Variants in SIPA1L2 observed in about 807,000 individuals in gnomAD.
The protein encoded by SIPA1L2 is signal induced proliferation associated 1 like 2, also known as signal-induced proliferation-associated 1-like protein 2.
Under a neutral mutation model 163.9 loss-of-function variants are expected in SIPA1L2, and 56 were observed. That is an observed-to-expected ratio of 0.34 (90% CI 0.28 to 0.43). SIPA1L2 has a LOEUF of 0.43. SIPA1L2 is among the 20% of genes least tolerant of loss of function. The pLI is 1.00. For synonymous variants in SIPA1L2, 877 were observed against 865.7 expected, an observed-to-expected ratio of 1.01 and a Z score of -0.23; for missense variants, 1,974 against 2,193.5, an observed-to-expected ratio of 0.90 and a Z score of 2.00.
chr1:232,439,108 C>G lies in SIPA1L2; in HGVS notation c.4031G>C (p.Ser1344Thr). The G allele has an allele frequency of 6.3e-7, 1 of 1,599,078 alleles. No individual in the cohort carries two copies. Among genetic ancestry groups the G allele is most frequent in the Non-Finnish European group, 8.5e-7 (1 of 1,172,264 alleles). ...GDLSEISSHS[S>T]GSHHSGSPSA... is the part of the protein sequence containing the mutation. Reference sequence around the variant, plus strand: ...TACTCTGCAGTGCTGTGGGGCTTACCTGGAATGAGAGGATATCTCACTGAG... The same window carrying G: ...TACTCTGCAGTGCTGTGGGGCTTACGTGGAATGAGAGGATATCTCACTGAG... Residue 1344 changes from serine (S) to threonine (T), a missense_variant and splice_region_variant, in exon 15 of 23, where the codon AGT becomes ACT. Coordinates refer to ENST00000674635, the MANE Select transcript of SIPA1L2 (RefSeq NM_020808.5).
At chr1:232,417,885 C>G (rs1409596809) in intron 18 of SIPA1L2, among the ~76,000 whole-genome samples, 1 of 152,294 alleles carries the variant, frequency 6.6e-6, no homozygotes, top group Non-Finnish European at 1.5e-5. Context: ...TCTGTGAGGG[C>G]CGCGGAGGTC....
In SIPA1L2 at chr1:232,563,955, T is replaced by TTTTTGTGTG. The variant is rs1558270699; in HGVS notation, c.-270+10218_-270+10219insCACACAAAA. ...AACGACAAAGGTTTGTTTTTTTTTTTCGTGTGTGTGTGTGTGTGTGTGTGT... is the reference window on the plus strand; with the variant it reads ...AACGACAAAGGTTTGTTTTTTTTTTTTTTTGTGTGCGTGTGTGTGTGTGTGTGTGTGTGT... On this transcript the variant is annotated intron_variant, in intron 2 of 22. Transcript: ENST00000674635. Among the ~76,000 whole-genome samples, 55 of 116,768 alleles carry TTTTTGTGTG rather than the reference T, an allele frequency of 4.7e-4. 2 individuals carry two copies. The highest frequency in any genetic ancestry group is 2.1e-3 in the African/African-American group (54 of 25,170). The allele number at this position is 116,768 out of a possible 152,430, so 76.6% of individuals were successfully genotyped here.
intron 10 of SIPA1L2, among the ~76,000 whole-genome samples, chr1:232,459,922 G>A (rs989795354): frequency 1.3e-5 from 2 of 152,170 alleles, no homozygotes; most frequent in African/African-American, 4.8e-5. Flanking sequence ...ATAGGAGGTA[G>A]GCGATATAAT....
intron 12 of SIPA1L2, 36 bp from the exon 13 acceptor site, chr1:232,441,904 A>C: frequency 6.4e-7 from 1 of 1,568,276 alleles, no homozygotes; most frequent in Non-Finnish European, 8.7e-7. Context: ...GTCCTTTCTC[A>C]ACCGTGCCAC....
Position 232,493,833 on chromosome 1 carries a change from C to T in SIPA1L2, c.1484-173G>A, listed in dbSNP as rs376110389. On this transcript the variant is annotated intron_variant, in intron 3 of 22. Coordinates refer to ENST00000674635, the MANE Select transcript of SIPA1L2 (RefSeq NM_020808.5). The stretch of plus-strand genomic sequence containing the variant: ...TCTGGTTTCCAGTTCGGATGCACGC[C>T]TACATCTCATTTTCAATTACTTCCT... Among the ~76,000 whole-genome samples, 8 of 152,292 alleles carry T rather than the reference C, an allele frequency of 5.3e-5. 1 individual carries two copies. Among genetic ancestry groups the T allele is most frequent in the African/African-American group, 1.9e-4 (8 of 41,562 alleles).
intron 10 of SIPA1L2, among the ~76,000 whole-genome samples, chr1:232,453,895 TA>T (rs1280201484): frequency 6.6e-6 from 1 of 152,214 alleles, no homozygotes; most frequent in Non-Finnish European, 1.5e-5. Context: ...ATGCATTTTG[TA>T]AAAGAATCAT....
intron 13 of SIPA1L2, 107 bp from the exon 14 acceptor site, chr1:232,441,501 T>C: frequency 4.2e-6 from 4 of 955,382 alleles, no homozygotes; most frequent in Non-Finnish European, 6.5e-6. Flanking sequence ...AACAGGCTTG[T>C]GGTTCTGGGA....
chr1:232,600,279 G>A (rs1661523498), intron 1 of SIPA1L2, among the ~76,000 whole-genome samples: 1 of 150,378 alleles, frequency 6.6e-6, no homozygotes, highest in African/African-American at 2.4e-5. Context: ...TATAGTAGCA[G>A]AATTAGAAAA....
At chr1:232,538,476 C>T (rs917581735) in intron 2 of SIPA1L2, among the ~76,000 whole-genome samples, 2 of 152,192 alleles carry the variant, frequency 1.3e-5, no homozygotes, top group Non-Finnish European at 2.9e-5. Flanking sequence ...CATGAAGGCA[C>T]TCACTCTGTA....
intron 1 of SIPA1L2, among the ~76,000 whole-genome samples, chr1:232,590,772 A>G (rs754388388): frequency 2.6e-5 from 4 of 152,254 alleles, no homozygotes; most frequent in Non-Finnish European, 2.9e-5. Flanking sequence ...CTTCCAACTA[A>G]CTGCAGACCA....
At chr1:232,543,878 C>T (rs1265728999) in intron 2 of SIPA1L2, among the ~76,000 whole-genome samples, 1 of 152,062 alleles carries the variant, frequency 6.6e-6, no homozygotes, top group Admixed American at 6.5e-5. Context: ...AAAAACAAAA[C>T]ATATAAAATA....
In SIPA1L2 at chr1:232,582,240, T is replaced by C. The variant is rs558242209; in HGVS notation, c.-318-8018A>G. 3.3e-5 allele frequency among the ~76,000 whole-genome samples: 5 copies of C among 152,260 alleles called. No individual in the cohort carries two copies. The South Asian group carries it at 6.2e-4, about 19-fold the overall frequency. On this transcript the variant is annotated intron_variant, in intron 1 of 22. Transcript: ENST00000674635. The stretch of plus-strand genomic sequence containing the variant: ...TGTGCAGGTTTGTTACATGGGTATA[T>C]TGCACCCCGGCAGTGAGCACAGTAC...
At chr1:232,554,099 G>C (rs1442550799) in intron 2 of SIPA1L2, among the ~76,000 whole-genome samples, 1 of 152,128 alleles carries the variant, frequency 6.6e-6, no homozygotes, top group East Asian at 1.9e-4. Context: ...TCTCTAAAAA[G>C]TTATTTTTTC....
At chr1:232,523,666 TA>T (rs902218483) in intron 2 of SIPA1L2, among the ~76,000 whole-genome samples, 1 of 151,934 alleles carries the variant, frequency 6.6e-6, no homozygotes, top group South Asian at 2.1e-4. Context: ...GCTGGAGCTT[TA>T]AAAAAAATAC....
chr1:232,432,203 A>T (rs1461391544), intron 16 of SIPA1L2, 44 bp downstream of exon 16: 2 of 1,522,416 alleles, frequency 1.3e-6, no homozygotes, highest in African/African-American at 2.7e-5. Context: ...GTCAATCCCT[A>T]CAGTGAAAAA....
chr1:232,422,983 G>T (rs186088499), intron 18 of SIPA1L2, among the ~76,000 whole-genome samples: 1 of 152,110 alleles, frequency 6.6e-6, no homozygotes, highest in Non-Finnish European at 1.5e-5. Context: ...ATACATACTC[G>T]GTAGAAATCA....
intron 8 of SIPA1L2, among the ~76,000 whole-genome samples, chr1:232,468,194 C>T (rs1467099720): frequency 1.3e-5 from 2 of 152,178 alleles, no homozygotes; most frequent in Non-Finnish European, 2.9e-5. Flanking sequence ...CAGATAATTC[C>T]CATTGTGTGG....
intron 2 of SIPA1L2, among the ~76,000 whole-genome samples, chr1:232,572,301 G>A (rs929396829): frequency 2.6e-5 from 4 of 152,142 alleles, no homozygotes; most frequent in South Asian, 2.1e-4. Flanking sequence ...AAGGGCAGCC[G>A]TACAATGTGT....
chr1:232,411,725 A>AT (rs1320977145), intron 19 of SIPA1L2, among the ~76,000 whole-genome samples: 1 of 151,942 alleles, frequency 6.6e-6, no homozygotes, highest in Non-Finnish European at 1.5e-5. Context: ...TCTGAAACAT[A>AT]TTTTTCTTTA....
Sources: allele counts gnomAD v4.1 joint callset (sites outside exome capture counted in the v4.1 genomes callset), GRCh38; gene constraint gnomAD v4.1.1; transcripts MANE v1.5; gene names NCBI Gene and HGNC (gene_info 2026-07-23, HGNC 2026-07-21).